PKIB: variants seen among roughly 807,000 people sequenced by gnomAD.
PKIB encodes cAMP-dependent protein kinase inhibitor beta, also known as PKI-beta.
Under a neutral mutation model 4.5 loss-of-function variants are expected in PKIB, and 2 were observed. That is an observed-to-expected ratio of 0.44 (90% confidence interval 0.18 to 1.39). The LOEUF (loss-of-function observed/expected upper bound fraction) is 1.39, where lower values mean the gene tolerates loss of function less well. Among genes scored for constraint, PKIB ranks in the 40% most tolerant of loss-of-function variants. The pLI, the probability that PKIB is intolerant of heterozygous loss-of-function variation, is 0.27. For synonymous variants in PKIB, 38 were observed against 36.0 expected (o/e 1.06, Z -0.20); for missense variants, 94 against 92.6 (o/e 1.02, Z -0.06).
intron 3 of PKIB, among the ~76,000 whole-genome samples, chr6:122,702,014 A>G (rs1778828908): frequency 6.6e-6 from 1 of 152,156 alleles, no homozygotes; most frequent in Admixed American, 6.5e-5. Flanking sequence ...TCTAAGAGTG[A>G]CATGCTCAAT....
chr6:122,502,295 A>G (rs1351130117), intron 2 of PKIB, among the ~76,000 whole-genome samples: 4 of 151,940 alleles, frequency 2.6e-5, no homozygotes, highest in Non-Finnish European at 4.4e-5. Context: ...GTATCTTTAT[A>G]GCAATGCCTT....
chr6:122,698,666 G>T (rs147045930), intron 3 of PKIB, among the ~76,000 whole-genome samples: 1 of 152,314 alleles, frequency 6.6e-6, no homozygotes, highest in African/African-American at 2.4e-5. Flanking sequence ...TAACTGGAGT[G>T]CCTGTTGATT....
chr6:122,497,488 A>G lies in PKIB; in HGVS notation c.-248+19549A>G, dbSNP rs149768879. ...GCTGTCTTCAAGAGACTCAGCCCAC[A>G]TGTAACGACACCCATAGTCTCAAAG... is the stretch of plus-strand genomic sequence containing the variant. On this transcript the variant is annotated intron_variant, in intron 2 of 6. Coordinates refer to the PKIB transcript ENST00000392491. Among the ~76,000 whole-genome samples, 460 of 152,320 alleles carry G rather than the reference A, an allele frequency of 3.0e-3. 2 individuals carry two copies. The highest frequency in any genetic ancestry group is 0.011 in the African/African-American group (437 of 41,568).
chr6:122,627,788 T>C (rs1217023471), intron 1 of PKIB, among the ~76,000 whole-genome samples: 2 of 152,198 alleles, frequency 1.3e-5, no homozygotes, highest in Non-Finnish European at 1.5e-5. Flanking sequence ...ATAGACACTT[T>C]CATGGTCATC....
chr6:122,598,025 T>C (rs1288737782), intron 3 of PKIB, among the ~76,000 whole-genome samples: 2 of 152,152 alleles, frequency 1.3e-5, no homozygotes, highest in African/African-American at 2.4e-5. Flanking sequence ...CACTGCACAG[T>C]TACCCTGGTA....
intron 2 of PKIB, chr6:122,531,106 T>C (rs1473133927): frequency 1.3e-5 from 2 of 152,148 alleles, no homozygotes; most frequent in African/African-American, 4.8e-5. Context: ...ATATCATACG[T>C]GTATAGGAAA....
At chr6:122,627,784 A>G (rs1378354563) in intron 1 of PKIB, among the ~76,000 whole-genome samples, 1 of 152,188 alleles carries the variant, frequency 6.6e-6, no homozygotes, top group African/African-American at 2.4e-5. Context: ...TAACATAGAC[A>G]CTTTCATGGT....
In PKIB at chr6:122,652,633, G is replaced by A. The variant is rs529573535; in HGVS notation, c.-76+19266G>A. ...GTTTGATTGAACAACTGGGGCCTAT[G>A]GCCTAACTAAACAGTAGTTTAACTT... On this transcript the variant is annotated intron_variant, in intron 2 of 4. Coordinates refer to ENST00000368452, the MANE Select transcript of PKIB (RefSeq NM_181795.3). The A allele has an allele frequency of 1.3e-5, 2 of 152,214 alleles. 1 individual carries two copies. The highest frequency in any genetic ancestry group is 1.3e-4 in the Admixed American group (2 of 15,280). The allele number at this position is 152,214 out of a possible 1,614,324, so 9.4% of individuals were successfully genotyped here.
intron 2 of PKIB, among the ~76,000 whole-genome samples, chr6:122,563,645 G>A (rs1357673861): frequency 6.6e-6 from 1 of 152,112 alleles, no homozygotes; most frequent in African/African-American, 2.4e-5. Context: ...TGCGGCTGCT[G>A]TAGGGGATAG....
chr6:122,711,134 CACACACACACAA>C (rs570636912), intron 3 of PKIB, among the ~76,000 whole-genome samples: 1 of 77,662 alleles, frequency 1.3e-5, no homozygotes, highest in Non-Finnish European at 2.3e-5. Context: ...ATATACATAG[CACACACACACAA>C]ACACACACAC....
At chr6:122,648,951 C>T (rs76444337) in intron 2 of PKIB, among the ~76,000 whole-genome samples, 1 of 152,286 alleles carries the variant, frequency 6.6e-6, no homozygotes, top group East Asian at 1.9e-4. Context: ...ACCTTCATGC[C>T]TCCCCATGGC....
chr6:122,492,384 T>C (rs909460055), intron 2 of PKIB, among the ~76,000 whole-genome samples: 1 of 152,146 alleles, frequency 6.6e-6, no homozygotes, highest in Non-Finnish European at 1.5e-5. Flanking sequence ...CTTTTAGATC[T>C]ACGACCTATG....
intron 3 of PKIB, among the ~76,000 whole-genome samples, chr6:122,685,470 G>C (rs1049546174): frequency 3.3e-5 from 5 of 152,104 alleles, no homozygotes; most frequent in Non-Finnish European, 7.4e-5. Context: ...GAAAATTTCT[G>C]CTGTAACTGG....
At chr6:122,619,995 T>C (rs1238172559) in intron 1 of PKIB, among the ~76,000 whole-genome samples, 1 of 152,170 alleles carries the variant, frequency 6.6e-6, no homozygotes, top group Non-Finnish European at 1.5e-5. Context: ...CCTTAAGCCC[T>C]TCCTATTGGA....
At chr6:122,715,210 G>A (rs1202671154) in intron 3 of PKIB, among the ~76,000 whole-genome samples, 1 of 151,628 alleles carries the variant, frequency 6.6e-6, no homozygotes, top group Non-Finnish European at 1.5e-5. Context: ...AAAATATATA[G>A]CATTTATTTA....
intron 3 of PKIB, among the ~76,000 whole-genome samples, chr6:122,587,800 T>G (rs1465232120): frequency 6.6e-6 from 1 of 152,230 alleles, no homozygotes; most frequent in Non-Finnish European, 1.5e-5. Flanking sequence ...TTTTTTCATG[T>G]GTCTTTTGGC....
At chr6:122,624,605 T>C (rs1775361686) in intron 1 of PKIB, among the ~76,000 whole-genome samples, 1 of 152,216 alleles carries the variant, frequency 6.6e-6, no homozygotes, top group Non-Finnish European at 1.5e-5. Flanking sequence ...GGAATGGTCA[T>C]TTAATCATAA....
chr6:122,525,948 TCTGCAATGTTG>T (rs1221895562), intron 2 of PKIB, among the ~76,000 whole-genome samples: 2 of 152,212 alleles, frequency 1.3e-5, no homozygotes, highest in East Asian at 3.8e-4. Flanking sequence ...AAGTCAAATC[TCTGCAATGTTG>T]CTACTGATTT....
chr6:122,651,806 C>A (rs1776566452), intron 2 of PKIB, among the ~76,000 whole-genome samples: 2 of 152,136 alleles, frequency 1.3e-5, no homozygotes, highest in East Asian at 1.9e-4. Flanking sequence ...AAATTTCAAG[C>A]CCTGAGTTTA....
Sources: gnomAD v4.1 joint callset for allele counts (sites outside exome capture counted in the v4.1 genomes callset) on GRCh38, gnomAD v4.1.1 for gene constraint, MANE v1.5 for transcripts, NCBI Gene and HGNC (gene_info 2026-07-23, HGNC 2026-07-21) for gene names.